The following GPC5 variants were observed in gnomAD, a reference collection of about 807,000 sequenced individuals.
The protein encoded by GPC5 is glypican-5.
GPC5 carries 47 observed loss-of-function variants against 53.9 expected under a neutral mutation model. The observed-to-expected ratio is 0.87, with a 90% CI of 0.69 to 1.11. The LOEUF (loss-of-function observed/expected upper bound fraction) is 1.11, where lower values mean the gene tolerates loss of function less well. GPC5 is among the 50% of genes most tolerant of loss of function. The probability of loss-of-function intolerance (pLI) is 0.00; values close to 1 mark genes in which losing one functional copy is unlikely to be tolerated. For synonymous variants in GPC5, 286 were observed against 263.3 expected, an observed-to-expected ratio of 1.09 and a Z score of -0.84; for missense variants, 748 against 713.1, an observed-to-expected ratio of 1.05 and a Z score of -0.56.
At chr13:92,697,843 A>C (rs1887603461) in intron 7 of GPC5, among the ~76,000 whole-genome samples, 2 of 152,178 alleles carry the variant, frequency 1.3e-5, no homozygotes, top group Admixed American at 6.5e-5. Context: ...TGTCATAAAT[A>C]GCTCTTATTA....
chr13:92,816,954 C>G (rs947064311), intron 7 of GPC5, among the ~76,000 whole-genome samples: 1 of 151,962 alleles, frequency 6.6e-6, no homozygotes, highest in Non-Finnish European at 1.5e-5. Flanking sequence ...AATCTACCCT[C>G]TATAGTGATG....
At chr13:91,474,020 G>A (rs192335945) in intron 2 of GPC5, among the ~76,000 whole-genome samples, 190 of 152,280 alleles carry the variant, frequency 1.2e-3, no homozygotes, top group Admixed American at 4.6e-3. Context: ...CATTTGGGGA[G>A]GTTGGAAGTT....
intron 7 of GPC5, among the ~76,000 whole-genome samples, chr13:92,763,018 A>T: frequency 6.7e-6 from 1 of 149,970 alleles, no homozygotes; most frequent in African/African-American, 2.5e-5. Context: ...TGTTTTTCTG[A>T]TATTGTTGAA....
At chr13:92,053,639 T>C (rs1216270906) in intron 6 of GPC5, among the ~76,000 whole-genome samples, 2 of 152,144 alleles carry the variant, frequency 1.3e-5, no homozygotes, top group African/African-American at 2.4e-5. Flanking sequence ...TACAGATATA[T>C]GAAAATATGT....
At chr13:91,892,831 A>G (rs2039401816) in intron 5 of GPC5, among the ~76,000 whole-genome samples, 2 of 151,954 alleles carry the variant, frequency 1.3e-5, no homozygotes, top group African/African-American at 4.8e-5. Flanking sequence ...TCAACACAAC[A>G]AAACTTTAAG....
At chr13:92,057,554 T>A (rs1234965176) in intron 6 of GPC5, among the ~76,000 whole-genome samples, 2 of 150,232 alleles carry the variant, frequency 1.3e-5, no homozygotes, top group Non-Finnish European at 3.0e-5. Context: ...CTTGCTTTTT[T>A]GTGATGCATC....
chr13:91,445,267 G>A (rs1170246237), intron 1 of GPC5, among the ~76,000 whole-genome samples: 1 of 152,104 alleles, frequency 6.6e-6, no homozygotes, highest in Non-Finnish European at 1.5e-5. Context: ...TAAAATAAAG[G>A]TTACTTGAAC....
chr13:91,825,286 T>C (rs931209518), intron 5 of GPC5, among the ~76,000 whole-genome samples: 1 of 152,120 alleles, frequency 6.6e-6, no homozygotes, highest in Admixed American at 6.6e-5. Context: ...TCAGTCTTAC[T>C]TTTTGTAATG....
At chr13:92,763,634 T>G (rs1875280372) in intron 7 of GPC5, among the ~76,000 whole-genome samples, 1 of 152,172 alleles carries the variant, frequency 6.6e-6, no homozygotes, top group African/African-American at 2.4e-5. Flanking sequence ...CAGGTTCTCA[T>G]AAAGAGACTT....
chr13:92,814,667 A>T (rs1476116816), intron 7 of GPC5, among the ~76,000 whole-genome samples: 1 of 151,298 alleles, frequency 6.6e-6, no homozygotes, highest in Admixed American at 6.6e-5. Flanking sequence ...TCTCAAAAAA[A>T]AAAATAAAAA....
Position 91,756,408 on chromosome 13 carries a change from A to T in GPC5, c.1268A>T (p.Asp423Val), listed in dbSNP as rs762969147. 6.3e-7 allele frequency: 1 copy of T among 1,587,468 alleles called. No individual in the cohort carries two copies. The highest frequency in any genetic ancestry group is 1.3e-5 in the African/African-American group (1 of 74,362). ...ADGLPCWNGE[D>V]IVKSYTQRVV... Reference sequence around the variant, plus strand: ...GGACTTCCCTGCTGGAATGGAGAAGATATAGTAAAAAGGTATTTTATGTGG... The same window carrying T: ...GGACTTCCCTGCTGGAATGGAGAAGTTATAGTAAAAAGGTATTTTATGTGG... Residue 423 changes from aspartate (D) to valine (V), a missense_variant, in exon 5 of 8, where the codon GAT becomes GTT. Physicochemically the swap from Asp to Val is radical, Grantham distance 152. Transcript: ENST00000377067.
intron 5 of GPC5, among the ~76,000 whole-genome samples, chr13:91,795,988 G>T (rs567326099): frequency 6.6e-6 from 1 of 152,210 alleles, no homozygotes; most frequent in East Asian, 1.9e-4. Context: ...TGTTACCGGG[G>T]GTCTTTGCTC....
intron 7 of GPC5, among the ~76,000 whole-genome samples, chr13:92,537,803 T>C (rs1192813116): frequency 6.6e-6 from 1 of 152,102 alleles, no homozygotes; most frequent in Non-Finnish European, 1.5e-5. Context: ...TTGACGCTAG[T>C]TGCATGAGGA....
chr13:91,659,252 G>A (rs539848029), intron 2 of GPC5, among the ~76,000 whole-genome samples: 1 of 152,270 alleles, frequency 6.6e-6, no homozygotes, highest in South Asian at 2.1e-4. Context: ...ACAAAAATGA[G>A]TATAGTGTCA....
intron 2 of GPC5, among the ~76,000 whole-genome samples, chr13:91,590,866 G>A (rs2032771030): frequency 6.6e-6 from 1 of 152,048 alleles, no homozygotes; most frequent in Non-Finnish European, 1.5e-5. Context: ...TTATATGATT[G>A]AACCTCTCCT....
In GPC5 at chr13:92,412,920, A is replaced by G. The variant is rs768828716; in HGVS notation, c.1561+267931A>G. 5.9e-5 allele frequency among the ~76,000 whole-genome samples: 9 copies of G among 152,356 alleles called. No individual in the cohort carries two copies. In the South Asian group the frequency reaches 1.7e-3, roughly 28 times the overall value. On this transcript the variant is annotated intron_variant, in intron 7 of 7. Coordinates refer to ENST00000377067, the MANE Select transcript of GPC5 (RefSeq NM_004466.6). ...GCAGTTGCTGGTAAGAAATATAAAG[A>G]TAGCCTGTCAAATCTCCTAAGTATC...
intron 1 of GPC5, among the ~76,000 whole-genome samples, chr13:91,434,071 G>C (rs1008636198): frequency 1.3e-5 from 2 of 152,134 alleles, no homozygotes; most frequent in African/African-American, 4.8e-5. Context: ...TTGTAAATTT[G>C]TTGGAGTTTG....
At chr13:92,098,304 T>C (rs1207923224) in intron 6 of GPC5, among the ~76,000 whole-genome samples, 1 of 152,168 alleles carries the variant, frequency 6.6e-6, no homozygotes, top group African/African-American at 2.4e-5. Flanking sequence ...GATAATGGCC[T>C]TCAGCTCCTT....
chr13:92,124,267 A>C lies in GPC5; in HGVS notation c.1402-20563A>C, dbSNP rs533746205. Among the ~76,000 whole-genome samples the C allele has an allele frequency of 1.9e-4, 28 of 151,190 alleles. No homozygotes were observed. The South Asian group carries it at 5.2e-3, about 28-fold the overall frequency. On this transcript the variant is annotated intron_variant, in intron 6 of 7. Coordinates refer to ENST00000377067, the MANE Select transcript of GPC5 (RefSeq NM_004466.6). ...CAGAATGAAAAAAAAAAAAAAAAAA[A>C]AAAAAACTAGTTCTCTCATATTATT...
Sources: allele counts gnomAD v4.1 joint callset (sites outside exome capture counted in the v4.1 genomes callset), GRCh38; gene constraint gnomAD v4.1.1; transcripts MANE v1.5; gene names NCBI Gene and HGNC (gene_info 2026-07-23, HGNC 2026-07-21).